BACE2: variants seen among roughly 807,000 people sequenced by gnomAD.
BACE2 encodes the protein beta-secretase 2.
Under a neutral mutation model 46.2 loss-of-function variants are expected in BACE2, and 17 were observed. The observed-to-expected ratio is 0.37, with a 90% CI of 0.25 to 0.55. The LOEUF (loss-of-function observed/expected upper bound fraction) is 0.55, where lower values mean the gene tolerates loss of function less well. BACE2 is among the 20% of genes least tolerant of loss of function. The pLI is 0.82. For synonymous variants in BACE2, 277 were observed against 295.9 expected (o/e 0.94, Z 0.66); for missense variants, 595 against 698.1 (o/e 0.85, Z 1.66).
intron 1 of BACE2, among the ~76,000 whole-genome samples, chr21:41,219,228 A>T (rs1156319636): frequency 2.0e-5 from 3 of 152,188 alleles, no homozygotes; most frequent in Admixed American, 6.5e-5. Context: ...TTGCTAAATC[A>T]AGAGAAGAGG....
chr21:41,195,490 C>G (rs943068000), intron 1 of BACE2, among the ~76,000 whole-genome samples: 1 of 152,252 alleles, frequency 6.6e-6, no homozygotes, highest in African/African-American at 2.4e-5. Context: ...CTTCCCGTCC[C>G]TTACACCTCC....
chr21:41,255,625 T>G (rs573495393), intron 7 of BACE2, among the ~76,000 whole-genome samples: 2 of 152,198 alleles, frequency 1.3e-5, no homozygotes, highest in Non-Finnish European at 2.9e-5. Flanking sequence ...AGGGACTGTG[T>G]GTCATTCACC....
At chr21:41,258,961 AACTGTGACTGTTTT>A (rs1987860574) in intron 8 of BACE2, among the ~76,000 whole-genome samples, 1 of 152,206 alleles carries the variant, frequency 6.6e-6, no homozygotes, top group South Asian at 2.1e-4. Context: ...TGAATTTCCT[AACTGTGACTGTTTT>A]ACTTCTTTTT....
At chr21:41,232,009 CT>C (rs1166006994) in intron 2 of BACE2, among the ~76,000 whole-genome samples, 2 of 148,370 alleles carry the variant, frequency 1.3e-5, no homozygotes, top group African/African-American at 5.2e-5. Context: ...TGAATATGAA[CT>C]GAGAATTACC....
At chr21:41,247,308 T>C (rs1397853125) in intron 6 of BACE2, among the ~76,000 whole-genome samples, 5 of 152,018 alleles carry the variant, frequency 3.3e-5, no homozygotes, top group South Asian at 4.1e-4. Flanking sequence ...GCGGGCTCTT[T>C]TCGAAGCAGC....
rs915716014 is a variant in BACE2 at position 41,252,615 on chromosome 21, G to A, written c.1134+1714G>A. On this transcript the variant is annotated intron_variant, in intron 7 of 8. Coordinates refer to ENST00000330333, the MANE Select transcript of BACE2 (RefSeq NM_012105.5). ...TTAATTATAAATTCCTTGAAGGTGA[G>A]AGCTGTGGGGGTAAAAGATTGTCCT... 2.6e-5 allele frequency: 4 copies of A among 152,188 alleles called. No homozygotes were observed. In the East Asian group the frequency reaches 7.7e-4, roughly 29 times the overall value. 9.4% of individuals were successfully genotyped at this position (152,188 alleles called of 1,614,324 possible).
intron 1 of BACE2, among the ~76,000 whole-genome samples, chr21:41,201,434 C>T (rs989051643): frequency 2.6e-5 from 4 of 152,218 alleles, no homozygotes; most frequent in African/African-American, 7.2e-5. Context: ...CTGAAGCCAT[C>T]GAGCTGCCTG....
At chr21:41,228,425 T>A (rs1190686169) in intron 2 of BACE2, among the ~76,000 whole-genome samples, 1 of 152,188 alleles carries the variant, frequency 6.6e-6, no homozygotes, top group Admixed American at 6.5e-5. Context: ...CTGGGGAGTT[T>A]ATAAAGAAAA....
intron 3 of BACE2, among the ~76,000 whole-genome samples, chr21:41,240,508 C>T (rs571824767): frequency 8.5e-5 from 13 of 152,358 alleles, no homozygotes; most frequent in Non-Finnish European, 1.5e-4. Flanking sequence ...CGGCTCCAGG[C>T]AGCTGCCCTT....
intron 1 of BACE2, among the ~76,000 whole-genome samples, chr21:41,199,432 G>A (rs1985872911): frequency 1.3e-5 from 2 of 152,244 alleles, no homozygotes; most frequent in East Asian, 1.9e-4. Context: ...GATGCTGCAG[G>A]GGGTGGCAGT....
intron 1 of BACE2, chr21:41,181,972 G>C (rs1011931274): frequency 6.0e-6 from 1 of 167,068 alleles, no homozygotes; most frequent in African/African-American, 2.4e-5. Flanking sequence ...AGAGCAAACA[G>C]AATTAACAGT....
At chr21:41,224,934 A>C (rs1003311571) in intron 1 of BACE2, among the ~76,000 whole-genome samples, 1 of 152,224 alleles carries the variant, frequency 6.6e-6, no homozygotes, top group Non-Finnish European at 1.5e-5. Flanking sequence ...TCTTTAAAAC[A>C]GTAAAAATGT....
intron 1 of BACE2, among the ~76,000 whole-genome samples, chr21:41,169,026 A>C: frequency 9.4e-6 from 1 of 105,824 alleles, no homozygotes; most frequent in Non-Finnish European, 1.8e-5. Context: ...ATGCTGTCTC[A>C]TTGCTAAAGA....
chr21:41,269,182 G>A (rs1255755140), intron 8 of BACE2, among the ~76,000 whole-genome samples: 1 of 152,106 alleles, frequency 6.6e-6, no homozygotes, highest in Non-Finnish European at 1.5e-5. Context: ...TTCAACTCCT[G>A]ACCTCAGGTT....
intron 8 of BACE2, among the ~76,000 whole-genome samples, chr21:41,269,394 G>A (rs1460956262): frequency 1.3e-5 from 2 of 152,150 alleles, no homozygotes; most frequent in African/African-American, 4.8e-5. Flanking sequence ...CATGTTGAAA[G>A]GATACAGTTT....
chr21:41,282,480 T>C lies in BACE2; in HGVS notation c.*6856T>C, dbSNP rs1256241708. ...TTCCAGCAATTTAAGATATATACCA[T>C]TGAAAGGGAAATAAAACATTTTTGT... On this transcript the variant is annotated 3_prime_UTR_variant, in exon 9 of 9. Transcript: ENST00000330333. The C allele has an allele frequency of 6.6e-6, 1 of 152,186 alleles. No individual in the cohort carries two copies. The highest frequency in any genetic ancestry group is 1.5e-5 in the Non-Finnish European group (1 of 68,018). 9.4% of individuals were successfully genotyped at this position (152,186 alleles called of 1,614,324 possible).
Position 41,182,830 on chromosome 21 carries a change from A to G in BACE2, c.312+14255A>G, listed in dbSNP as rs60050016. On this transcript the variant is annotated intron_variant, in intron 1 of 8. Coordinates refer to ENST00000330333, the MANE Select transcript of BACE2 (RefSeq NM_012105.5). ...AATTTACTATACAGGATTCCTCCAC[A>G]TATAAAATTACTCTTTCTTTATATC... 1,615 of 167,222 alleles carry G rather than the reference A, an allele frequency of 9.7e-3. 26 individuals carry two copies. Among genetic ancestry groups the G allele is most frequent in the African/African-American group, 0.031 (1,309 of 41,586 alleles). 10.4% of individuals were successfully genotyped at this position (167,222 alleles called of 1,614,324 possible). A position where few individuals can be genotyped will look rare whatever the true frequency, so the allele number is the denominator to read the frequency against.
At chr21:41,269,505 C>G (rs2088414383) in intron 8 of BACE2, among the ~76,000 whole-genome samples, 1 of 151,686 alleles carries the variant, frequency 6.6e-6, no homozygotes, top group South Asian at 2.1e-4. Context: ...TCCTGTGGAC[C>G]CCATGCCATT....
intron 1 of BACE2, among the ~76,000 whole-genome samples, chr21:41,194,061 A>C (rs1490112842): frequency 1.3e-5 from 2 of 152,178 alleles, no homozygotes; most frequent in African/African-American, 4.8e-5. Context: ...GGGTCTGTAA[A>C]CTAGCTCAAG....
Sources: allele counts gnomAD v4.1 joint callset (sites outside exome capture counted in the v4.1 genomes callset), GRCh38; gene constraint gnomAD v4.1.1; transcripts MANE v1.5; gene names NCBI Gene and HGNC (gene_info 2026-07-23, HGNC 2026-07-21).